GASK1B: variants seen among roughly 807,000 people sequenced by gnomAD.
GASK1B encodes the protein Golgi-associated kinase 1B.
GASK1B carries 34 observed loss-of-function variants against 42.8 expected under a neutral mutation model. That is an observed-to-expected ratio of 0.79 (90% CI 0.60 to 1.06). The LOEUF (loss-of-function observed/expected upper bound fraction) is 1.06. Ranked by LOEUF, GASK1B falls within the 50% of genes least tolerant of loss-of-function variation. The probability of loss-of-function intolerance (pLI) is 0.00; values close to 1 mark genes in which losing one functional copy is unlikely to be tolerated. For synonymous variants in GASK1B, 262 were observed against 259.1 expected, an observed-to-expected ratio of 1.01 and a Z score of -0.11; for missense variants, 686 against 661.0, an observed-to-expected ratio of 1.04 and a Z score of -0.42.
chr4:158,154,878 G>A (rs1731699311), intron 3 of GASK1B, among the ~76,000 whole-genome samples: 1 of 151,932 alleles, frequency 6.6e-6, no homozygotes, highest in African/African-American at 2.4e-5. Context: ...GGAGAGTGAG[G>A]GATAAAAGAC....
At position 158,170,606 on chromosome 4, in the gene GASK1B, A is replaced by G. The variant is rs1732449834; in HGVS notation, c.770T>C (p.Val257Ala). 1 of 1,613,884 alleles carries G rather than the reference A, an allele frequency of 6.2e-7. No individual in the cohort carries two copies. The highest frequency in any genetic ancestry group is 1.1e-5 in the South Asian group (1 of 91,086). Residue 257 changes from valine (V) to alanine (A), a missense_variant, in exon 2 of 5, where the codon GTG (valine) becomes GCG (alanine). Physicochemically the swap from Val to Ala is moderately conservative, Grantham distance 64 (BLOSUM62 0). Transcript: ENST00000585682. ...ACAGGGGCTAGGGCCACAGCGGAGC[A>G]CAGCGCCAGGTGCGCCCCCCTCCAG... Reference protein sequence around the residue: ...LVLEGGAPGAVLRCGPSPCGL... With the variant: ...LVLEGGAPGAALRCGPSPCGL...
At chr4:158,166,382 G>A (rs1370717517) in intron 2 of GASK1B, among the ~76,000 whole-genome samples, 1 of 152,160 alleles carries the variant, frequency 6.6e-6, no homozygotes, top group Non-Finnish European at 1.5e-5. Flanking sequence ...CTAAAGATGA[G>A]CTTTATAATT....
intron 3 of GASK1B, among the ~76,000 whole-genome samples, chr4:158,146,387 A>T (rs1731331224): frequency 6.6e-6 from 1 of 152,074 alleles, no homozygotes; most frequent in Non-Finnish European, 1.5e-5. Context: ...AAATAATGAT[A>T]AAATAATATA....
Position 158,171,046 on chromosome 4 carries a change from G to A in GASK1B, c.330C>T (p.Thr110=). Reference sequence around the variant, plus strand: ...CCGGCTTGCTGCGCTTGGAGCGTAGGGTAATGTACACCACATTGGGCTGCA... The same window carrying A: ...CCGGCTTGCTGCGCTTGGAGCGTAGAGTAATGTACACCACATTGGGCTGCA... ...STLQPNVVYI[T]LRSKRSKPAN... Residue 110 remains threonine (T), a synonymous_variant, in exon 2 of 5, where the codon ACC becomes ACT. Coordinates refer to ENST00000585682, the MANE Select transcript of GASK1B (RefSeq NM_001128424.2). The A allele has an allele frequency of 6.2e-7, 1 of 1,613,674 alleles. No individual in the cohort carries two copies. Among genetic ancestry groups the A allele is most frequent in the Non-Finnish European group, 8.5e-7 (1 of 1,179,636 alleles).
intron 3 of GASK1B, among the ~76,000 whole-genome samples, chr4:158,145,662 A>G (rs1731302341): frequency 6.6e-6 from 1 of 152,156 alleles, no homozygotes; most frequent in Non-Finnish European, 1.5e-5. Context: ...ACTTTTAATT[A>G]TGGCACCTGC....
At chr4:158,159,444 G>T (rs1316913088) in intron 2 of GASK1B, 1 of 402,762 alleles carries the variant, frequency 2.5e-6, no homozygotes, top group African/African-American at 2.1e-5. Flanking sequence ...AGAATTAAAT[G>T]AACCTGGATG....
At chr4:158,133,895 A>ATGTG (rs143535648) in intron 3 of GASK1B, among the ~76,000 whole-genome samples, 18 of 151,068 alleles carry the variant, frequency 1.2e-4, no homozygotes, top group African/African-American at 4.4e-4. Flanking sequence ...TGATGGGCAT[A>ATGTG]TGTGTGTGTG....
At position 158,125,460 on chromosome 4, in the gene GASK1B, A is replaced by G. The variant is rs1730415234; in HGVS notation, c.*1947T>C. 6.6e-6 allele frequency: 1 copy of G among 152,184 alleles called. No homozygotes were observed. The highest frequency in any genetic ancestry group is 6.6e-5 in the Admixed American group (1 of 15,258). The allele number at this position is 152,184 out of a possible 1,614,324, so 9.4% of individuals were successfully genotyped here. On this transcript the variant is annotated 3_prime_UTR_variant, in exon 5 of 5. Coordinates refer to ENST00000585682, the MANE Select transcript of GASK1B (RefSeq NM_001128424.2). ...AAAAATGCAAATATGCCACCTTGGTAAGACAGGATGTCAGGCAACTTGCCA... is the reference window on the plus strand; with the variant it reads ...AAAAATGCAAATATGCCACCTTGGTGAGACAGGATGTCAGGCAACTTGCCA...
chr4:158,156,787 T>G (rs1731776929), intron 2 of GASK1B, among the ~76,000 whole-genome samples: 1 of 152,042 alleles, frequency 6.6e-6, no homozygotes, highest in Admixed American at 6.6e-5. Flanking sequence ...AACAACTAAA[T>G]TACAAAGATC....
intron 2 of GASK1B, among the ~76,000 whole-genome samples, chr4:158,158,199 T>G (rs572060619): frequency 2.2e-4 from 33 of 152,268 alleles, no homozygotes; most frequent in Middle Eastern, 3.4e-3. Flanking sequence ...AAACTGACCT[T>G]ATCAGGAAGA....
At position 158,127,570 on chromosome 4, in the gene GASK1B, C is replaced by T. The variant is rs376386222; in HGVS notation, c.1397G>A (p.Arg466Gln). 20 of 1,613,504 alleles carry T rather than the reference C, an allele frequency of 1.2e-5. No homozygotes were observed. In the African/African-American group the frequency reaches 1.6e-4, roughly 13 times the overall value. ...AVSVLKSQHL[R>Q]QKLLQSLFLD... is the part of the protein sequence containing the mutation. ...AAACAGAGACTGAAGAAGTTTCTGC[C>T]GTAAGTGCTGGCTCTTCAAAACAGA... The change falls in exon 5 of 5, where the codon CGG becomes CAG. Residue 466 changes from arginine (R) to glutamine (Q), a missense_variant. Arg to Gln is a conservative substitution (Grantham distance 43). Coordinates refer to ENST00000585682, the MANE Select transcript of GASK1B (RefSeq NM_001128424.2).
intron 2 of GASK1B, chr4:158,169,644 A>T (rs1334500419): frequency 6.6e-6 from 1 of 152,488 alleles, no homozygotes; most frequent in Non-Finnish European, 1.5e-5. Context: ...ATCATTCTGC[A>T]TTCAAACATA....
intron 3 of GASK1B, among the ~76,000 whole-genome samples, chr4:158,136,435 C>T (rs539361779): frequency 1.8e-3 from 266 of 151,972 alleles, no homozygotes; most frequent in Middle Eastern, 0.01. Flanking sequence ...TCATGCAGAG[C>T]TGGAAGAAAG....
At chr4:158,141,691 C>G (rs1221650171) in intron 3 of GASK1B, among the ~76,000 whole-genome samples, 3 of 146,894 alleles carry the variant, frequency 2.0e-5, no homozygotes, top group Non-Finnish European at 4.5e-5. Context: ...ACTGCAAGCT[C>G]CGCCTCCCGG....
chr4:158,170,748 C>T lies in GASK1B; in HGVS notation c.628G>A (p.Glu210Lys). 6.2e-7 allele frequency: 1 copy of T among 1,614,214 alleles called. No homozygotes were observed. Among genetic ancestry groups the T allele is most frequent in the Non-Finnish European group, 8.5e-7 (1 of 1,180,040 alleles). ...TTGCTCAGCCAGGAGGGGGCGCTCTCGCTGTAGATCCTAATGTTGCTCTCC... is the reference window on the plus strand; with the variant it reads ...TTGCTCAGCCAGGAGGGGGCGCTCTTGCTGTAGATCCTAATGTTGCTCTCC... The part of the protein sequence containing the change: ...SRESNIRIYS[E>K]SAPSWLSKDD... Residue 210 changes from glutamate to lysine, a missense_variant, in exon 2 of 5, where the codon GAG becomes AAG. Glu to Lys is a moderately conservative substitution (Grantham distance 56). Coordinates refer to ENST00000585682, the MANE Select transcript of GASK1B (RefSeq NM_001128424.2).
Position 158,172,848 on chromosome 4 carries a change from C to T in GASK1B, c.-225+20G>A, listed in dbSNP as rs1251786927. 2.0e-5 allele frequency: 3 copies of T among 152,024 alleles called. No homozygotes were observed. Among genetic ancestry groups the T allele is most frequent in the Non-Finnish European group, 4.4e-5 (3 of 68,014 alleles). 9.4% of individuals were successfully genotyped at this position (152,024 alleles called of 1,614,324 possible). The stretch of plus-strand genomic sequence containing the variant: ...ACATAACTTGGGGTTAGAGCACAAG[C>T]GTTCCCAGGAACTACTCACCTTACC... On this transcript the variant is annotated intron_variant, in intron 1 of 4. Transcript: ENST00000585682.
intron 2 of GASK1B, among the ~76,000 whole-genome samples, chr4:158,157,128 A>C (rs1731787422): frequency 6.6e-6 from 1 of 152,134 alleles, no homozygotes; most frequent in South Asian, 2.1e-4. Context: ...AATAGCATTC[A>C]CTTAAATCAT....
At chr4:158,130,582 G>T (rs1297664247) in intron 4 of GASK1B, among the ~76,000 whole-genome samples, 1 of 152,120 alleles carries the variant, frequency 6.6e-6, no homozygotes, top group East Asian at 1.9e-4. Context: ...AGGCGGTATT[G>T]GTTGTTGATA....
chr4:158,143,936 A>G (rs904958524), intron 3 of GASK1B, among the ~76,000 whole-genome samples: 2 of 152,196 alleles, frequency 1.3e-5, no homozygotes, highest in African/African-American at 4.8e-5. Context: ...TGAATAAAAT[A>G]AAACTATAAG....
Sources: gnomAD v4.1 joint callset for allele counts (sites outside exome capture counted in the v4.1 genomes callset) on GRCh38, gnomAD v4.1.1 for gene constraint, MANE v1.5 for transcripts, NCBI Gene and HGNC (gene_info 2026-07-23, HGNC 2026-07-21) for gene names.